The following LIPK variants were observed in gnomAD, a reference collection of about 807,000 sequenced individuals.
The protein encoded by LIPK is lipase family member K, also known as lipase member K.
In LIPK, 32 loss-of-function variants were observed where a neutral mutation model predicts 48.6. The ratio of observed to expected loss-of-function variants is 0.66; its 90% CI spans 0.50 to 0.88. The LOEUF is 0.88. Ranked by LOEUF, LIPK falls within the 40% of genes least tolerant of loss-of-function variation. The pLI, the probability that LIPK is intolerant of heterozygous loss-of-function variation, is 0.00. For missense variants in LIPK, 507 were observed against 478.5 expected (o/e 1.06, Z -0.56); for synonymous variants, 164 against 157.4 (o/e 1.04, Z -0.32).
At chr10:88,721,824 G>A (rs955914704) in intron 1 of LIPK, among the ~76,000 whole-genome samples, 5 of 152,296 alleles carry the variant, frequency 3.3e-5, no homozygotes, top group African/African-American at 1.2e-4. Flanking sequence ...AAAGCCTTGA[G>A]AGAGAAGACC....
chr10:88,724,371 T>G (rs1346737021), intron 1 of LIPK, among the ~76,000 whole-genome samples, 162 bp from the exon 2 acceptor site: 1 of 152,248 alleles, frequency 6.6e-6, no homozygotes, highest in Non-Finnish European at 1.5e-5. Flanking sequence ...TTTTAGATTT[T>G]TCATGGAATG....
At chr10:88,709,191 T>G (rs968129644) in intron 1 of LIPK, among the ~76,000 whole-genome samples, 2 of 152,194 alleles carry the variant, frequency 1.3e-5, no homozygotes, top group Admixed American at 6.6e-5. Flanking sequence ...TAGATGTGAG[T>G]GCTGAGAAAC....
At chr10:88,717,373 C>T (rs1842139132) in intron 1 of LIPK, among the ~76,000 whole-genome samples, 1 of 152,116 alleles carries the variant, frequency 6.6e-6, no homozygotes, top group African/African-American at 2.4e-5. Context: ...GAAGATGCAT[C>T]CTGCCTTATA....
chr10:88,722,889 C>CTTTTTTTTTTTTTTTTTTTTTTTTTTT (rs398014386), intron 1 of LIPK, among the ~76,000 whole-genome samples: 6 of 113,206 alleles, frequency 5.3e-5, no homozygotes, highest in African/African-American at 1.1e-4. Context: ...TTTCTTTTTT[C>CTTTTTTTTTTTTTTTTTTTTTTTTTTT]TTTTTTTTTT....
chr10:88,749,993 A>T (rs1313973238), intron 9 of LIPK, among the ~76,000 whole-genome samples: 1 of 152,198 alleles, frequency 6.6e-6, no homozygotes, highest in East Asian at 1.9e-4. Context: ...AAAAGTTAGC[A>T]AAGTACATGA....
intron 9 of LIPK, among the ~76,000 whole-genome samples, chr10:88,745,032 A>G (rs1353807703): frequency 6.6e-6 from 1 of 152,226 alleles, no homozygotes; most frequent in Non-Finnish European, 1.5e-5. Flanking sequence ...AAAAAATCTC[A>G]GAGATTGAAG....
At chr10:88,720,075 C>A (rs758791492) in intron 1 of LIPK, among the ~76,000 whole-genome samples, 6 of 152,024 alleles carry the variant, frequency 3.9e-5, no homozygotes, top group Non-Finnish European at 8.8e-5. Flanking sequence ...AGGGAGCGGA[C>A]AAAAAGCAAC....
chr10:88,707,683 T>C (rs1188388285), intron 1 of LIPK, among the ~76,000 whole-genome samples: 1 of 152,170 alleles, frequency 6.6e-6, no homozygotes, highest in Admixed American at 6.5e-5. Flanking sequence ...CTAGTCTTTC[T>C]TCCTGATTCA....
chr10:88,733,901 G>T (rs558343327), intron 6 of LIPK, among the ~76,000 whole-genome samples: 13 of 152,310 alleles, frequency 8.5e-5, no homozygotes, highest in African/African-American at 3.1e-4. Context: ...GTAAAAACTA[G>T]GGTGTATGTG....
Position 88,721,785 on chromosome 10 carries a change from T to A in LIPK, c.-11-2748T>A, listed in dbSNP as rs1487051159. On this transcript the variant is annotated intron_variant, in intron 1 of 9. Coordinates refer to ENST00000404190, the MANE Select transcript of LIPK (RefSeq NM_001080518.2). ...TCAGAGGCCTCAAAACGCCAGCCAC[T>A]CAGCAGAAATGAGACCATGTTAACT... Among the ~76,000 whole-genome samples the A allele has an allele frequency of 3.3e-5, 5 of 152,258 alleles. No individual in the cohort carries two copies. In the South Asian group the frequency reaches 1.0e-3, roughly 32 times the overall value.
chr10:88,718,689 A>G (rs1842164678), intron 1 of LIPK, among the ~76,000 whole-genome samples: 1 of 152,126 alleles, frequency 6.6e-6, no homozygotes, highest in Non-Finnish European at 1.5e-5. Context: ...CCCAGTGAAA[A>G]GAAATTGAGT....
chr10:88,716,521 C>G (rs1387181253), intron 1 of LIPK, among the ~76,000 whole-genome samples: 1 of 151,910 alleles, frequency 6.6e-6, no homozygotes, highest in East Asian at 1.9e-4. Flanking sequence ...CCACAACTGG[C>G]TAATTTTTGT....
rs199529042 is a variant in LIPK, at chr10:88,740,051, T to G, written c.872T>G (p.Met291Arg). Residue 291 changes from methionine to arginine, a missense_variant, in exon 8 of 10, where the codon ATG (methionine) becomes AGG (arginine). Transcript: ENST00000404190. ...HNPAGTSVQNMLHWAQAVNSG... is the reference protein window; with the variant it reads ...HNPAGTSVQNRLHWAQAVNSG... ...CCTGCGGGAACATCTGTTCAGAATA[T>G]GCTGCACTGGGCTCAGGTAAGTGCT... 5.2e-4 allele frequency: 828 copies of G among 1,604,976 alleles called. 2 individuals carry two copies. Among genetic ancestry groups the G allele is most frequent in the South Asian group, 8.4e-4 (76 of 90,818 alleles).
intron 9 of LIPK, among the ~76,000 whole-genome samples, chr10:88,748,650 TA>T (rs560466711): frequency 1.0e-3 from 157 of 151,694 alleles, no homozygotes; most frequent in Middle Eastern, 3.4e-3. Context: ...ATAATAATAT[TA>T]AATGCCATTT....
chr10:88,713,124 T>C (rs1323325339), intron 1 of LIPK, among the ~76,000 whole-genome samples: 1 of 152,188 alleles, frequency 6.6e-6, no homozygotes, highest in Non-Finnish European at 1.5e-5. Flanking sequence ...ACCAATCAGA[T>C]ACAAATATCG....
intron 1 of LIPK, among the ~76,000 whole-genome samples, chr10:88,712,568 T>A (rs964045368): frequency 1.3e-5 from 2 of 152,192 alleles, no homozygotes; most frequent in African/African-American, 4.8e-5. Context: ...TTTGTGAAAG[T>A]CATATCCTTG....
At chr10:88,748,616 C>CAA in intron 9 of LIPK, among the ~76,000 whole-genome samples, 1 of 106,514 alleles carries the variant, frequency 9.4e-6, no homozygotes, top group Non-Finnish European at 2.0e-5. Context: ...GACTCCGTCT[C>CAA]AAAAAAAAAA....
chr10:88,740,128 T>G, intron 8 of LIPK, 61 bp downstream of exon 8: 3 of 1,334,946 alleles, frequency 2.2e-6, no homozygotes, highest in South Asian at 2.6e-5. Flanking sequence ...CAAGAAGTGC[T>G]CTCAGAGAGC....
rs1056038341 is a variant in LIPK, at chr10:88,740,810, C to G, written c.888+743C>G. The stretch of plus-strand genomic sequence containing the variant: ...CTTAAAGGTTTAATATATCTGAGAC[C>G]CCCCCCCAACCAGGAATTTGCATTT... On this transcript the variant is annotated intron_variant, in intron 8 of 9. Transcript: ENST00000404190. Among the ~76,000 whole-genome samples the G allele has an allele frequency of 6.0e-4, 45 of 75,342 alleles. 2 individuals are homozygous for G. Among genetic ancestry groups the G allele is most frequent in the African/African-American group, 2.2e-3 (42 of 18,916 alleles). The allele number at this position is 75,342 out of a possible 152,430, so 49.4% of individuals were successfully genotyped here. A position where few individuals can be genotyped will look rare whatever the true frequency, so the allele number is the denominator to read the frequency against.
Sources: gnomAD v4.1 joint callset for allele counts (sites outside exome capture counted in the v4.1 genomes callset) on GRCh38, gnomAD v4.1.1 for gene constraint, MANE v1.5 for transcripts, NCBI Gene and HGNC (gene_info 2026-07-23, HGNC 2026-07-21) for gene names.